Variants in GTF2I observed in about 807,000 individuals in gnomAD.
GTF2I encodes the protein general transcription factor IIi, also known as general transcription factor II-I.
Under a neutral mutation model 67.6 loss-of-function variants are expected in GTF2I, and 12 were observed. The ratio of observed to expected loss-of-function variants is 0.18; its 90% CI spans 0.11 to 0.29. GTF2I has a LOEUF of 0.29. Among genes scored for constraint, GTF2I ranks in the 10% least tolerant of loss-of-function variants. GTF2I has a pLI of 1.00. For missense variants in GTF2I, 271 were observed against 580.1 expected (o/e 0.47, Z 5.47); for synonymous variants, 149 against 197.0 (o/e 0.76, Z 2.04).
chr7:74,696,730 G>A (rs1269880343), intron 3 of GTF2I, among the ~76,000 whole-genome samples: 1 of 151,686 alleles, frequency 6.6e-6, no homozygotes, highest in Non-Finnish European at 1.5e-5. Flanking sequence ...CCTGACCTCA[G>A]GCGATCTGCC....
chr7:74,723,614 C>T (rs1242903986), intron 12 of GTF2I, among the ~76,000 whole-genome samples: 1 of 150,854 alleles, frequency 6.6e-6, no homozygotes, highest in Non-Finnish European at 1.5e-5. Context: ...ACTTTTAGTA[C>T]AGACAGGGGT....
rs587763135 is a variant in GTF2I, at chr7:74,685,588, G to A, written c.-5-3536G>A. On this transcript the variant is annotated intron_variant, in intron 1 of 34. Transcript: ENST00000573035. ...TCCAGACCAGCCTGGCCAACATGGC[G>A]AAACTCCATCTCTACTAAAAATACA... 1.3e-4 allele frequency among the ~76,000 whole-genome samples: 20 copies of A among 152,196 alleles called. No individual in the cohort carries two copies. The East Asian group carries it at 2.9e-3, about 22-fold the overall frequency.
At chr7:74,672,150 T>C (rs1183809259) in intron 1 of GTF2I, among the ~76,000 whole-genome samples, 1 of 152,052 alleles carries the variant, frequency 6.6e-6, no homozygotes, top group Non-Finnish European at 1.5e-5. Context: ...CTAAAATGAG[T>C]TCTTTGGCTC....
At chr7:74,659,850 T>A (rs1804311936) in intron 1 of GTF2I, among the ~76,000 whole-genome samples, 1 of 152,180 alleles carries the variant, frequency 6.6e-6, no homozygotes, top group Non-Finnish European at 1.5e-5. Flanking sequence ...GCCTCATCTC[T>A]TTTAAATTCA....
intron 12 of GTF2I, among the ~76,000 whole-genome samples, chr7:74,726,014 G>T (rs1793732107): frequency 6.6e-6 from 1 of 152,094 alleles, no homozygotes; most frequent in African/African-American, 2.4e-5. Context: ...TTTGGATTTG[G>T]ACTGAGATCC....
chr7:74,677,317 A>G (rs1476642184), intron 1 of GTF2I, among the ~76,000 whole-genome samples: 4 of 151,854 alleles, frequency 2.6e-5, no homozygotes, highest in African/African-American at 9.7e-5. Context: ...TTTTCTTACC[A>G]CTCATTGTTT....
At chr7:74,662,746 A>C (rs1216795020) in intron 1 of GTF2I, among the ~76,000 whole-genome samples, 1 of 149,926 alleles carries the variant, frequency 6.7e-6, no homozygotes, top group Non-Finnish European at 1.5e-5. Flanking sequence ...CTTGTCTCCA[A>C]CTCCTGACCT....
intron 1 of GTF2I, among the ~76,000 whole-genome samples, chr7:74,676,042 AAGAC>A (rs1448072307): frequency 3.9e-5 from 6 of 151,966 alleles, no homozygotes; most frequent in Admixed American, 6.6e-5. Flanking sequence ...ACCAAATAAA[AAGAC>A]AGAGAATGGG....
intron 1 of GTF2I, among the ~76,000 whole-genome samples, chr7:74,660,180 CTTTT>C (rs34002417): frequency 5.2e-5 from 7 of 135,782 alleles, no homozygotes; most frequent in Non-Finnish European, 4.8e-5. Flanking sequence ...AAGGTCTTCT[CTTTT>C]TTTTTTTTTT....
chr7:74,671,475 G>GT (rs1403416010), intron 1 of GTF2I, among the ~76,000 whole-genome samples: 2,216 of 139,498 alleles, frequency 0.016, 42 homozygotes, highest in African/African-American at 0.047. Context: ...GAAGTGTCTT[G>GT]TTTTTTTTTT....
chr7:74,757,348 C>A, intron 32 of GTF2I, among the ~76,000 whole-genome samples: 1 of 56,356 alleles, frequency 1.8e-5, no homozygotes, highest in African/African-American at 6.1e-5. Flanking sequence ...GCCTGTTATC[C>A]CAGCACTTTG....
At chr7:74,723,131 T>TG (rs1554404953) in intron 12 of GTF2I, among the ~76,000 whole-genome samples, 1 of 148,740 alleles carries the variant, frequency 6.7e-6, no homozygotes, top group African/African-American at 2.5e-5. Flanking sequence ...GAGTTTTTTT[T>TG]TTTTTTTTTT....
intron 1 of GTF2I, among the ~76,000 whole-genome samples, chr7:74,663,154 A>G (rs1186977116): frequency 6.6e-6 from 1 of 152,230 alleles, no homozygotes; most frequent in Non-Finnish European, 1.5e-5. Flanking sequence ...TGTTGATGAC[A>G]TGAATGTTTT....
intron 12 of GTF2I, among the ~76,000 whole-genome samples, chr7:74,725,529 G>GT (rs1793648415): frequency 2.0e-5 from 1 of 50,930 alleles, no homozygotes; most frequent in South Asian, 8.1e-4. Context: ...CTCTACAAAA[G>GT]TTAAAAAAAA....
Position 74,669,259 on chromosome 7 carries a change from C to T in GTF2I, c.-6+11191C>T, listed in dbSNP as rs1397347508. 5.7e-5 allele frequency among the ~76,000 whole-genome samples: 8 copies of T among 139,242 alleles called. No homozygotes were observed. In the South Asian group the frequency reaches 6.9e-4, roughly 12 times the overall value. The allele number at this position is 139,242 out of a possible 152,430, so 91.3% of individuals were successfully genotyped here. On this transcript the variant is annotated intron_variant, in intron 1 of 34. Coordinates refer to ENST00000573035, the MANE Select transcript of GTF2I (RefSeq NM_032999.4). ...TTTTTTTTTTTTTTTGAGACAGTCT[C>T]GCTCTGTCTCCCAGGCTGGAGTGCA...
In GTF2I at chr7:74,718,881, T is replaced by G; in HGVS notation, c.883T>G (p.Ser295Ala). 2.0e-6 allele frequency: 3 copies of G among 1,515,500 alleles called. No individual in the cohort carries two copies. Among genetic ancestry groups the G allele is most frequent in the Non-Finnish European group, 2.7e-6 (3 of 1,107,378 alleles). 93.9% of individuals were successfully genotyped at this position (1,515,500 alleles called of 1,614,324 possible). The change falls in exon 12 of 35, where the codon TCT (serine) becomes GCT (alanine). Residue 295 changes from serine to alanine, a missense_variant and splice_region_variant. This residue lies in a region of GTF2I where 124 missense variants were observed against 147.0 expected (regional missense o/e 0.84). Transcript: ENST00000573035. ...GTEMEVPAED[S>A]TQHVPSETSE... is the part of the protein sequence containing the mutation. The stretch of plus-strand genomic sequence containing the variant: ...TTTAGAATTTTATTTTTTTCAAGAT[T>G]CTACTCAACATGTCCCTTCAGAAAC...
intron 12 of GTF2I, among the ~76,000 whole-genome samples, chr7:74,725,227 T>C (rs782040893): frequency 6.6e-6 from 1 of 152,164 alleles, no homozygotes; most frequent in Non-Finnish European, 1.5e-5. Flanking sequence ...AACCAATTAA[T>C]TGCAACAAAG....
intron 6 of GTF2I, 66 bp from the exon 7 acceptor site, chr7:74,705,098 A>G: frequency 1.1e-6 from 1 of 946,860 alleles, no homozygotes; most frequent in East Asian, 2.4e-5. Context: ...CTATATTTAA[A>G]GCCTTTAGAC....
At chr7:74,719,475 A>G (rs1366741544) in intron 12 of GTF2I, among the ~76,000 whole-genome samples, 3 of 152,170 alleles carry the variant, frequency 2.0e-5, no homozygotes, top group Non-Finnish European at 4.4e-5. Flanking sequence ...TATAGCTAAG[A>G]TTGCTTCAAA....
Sources: allele counts gnomAD v4.1 joint callset (sites outside exome capture counted in the v4.1 genomes callset), GRCh38; gene constraint gnomAD v4.1.1; regional missense constraint gnomAD v4.1.1; transcripts MANE v1.5; gene names NCBI Gene and HGNC (gene_info 2026-07-23, HGNC 2026-07-21).